The following TP63 variants were observed in gnomAD, a reference collection of about 807,000 sequenced individuals.
TP63 encodes the protein tumor protein p63, also known as tumor protein 63.
TP63 carries 17 observed loss-of-function variants against 82.8 expected under a neutral mutation model. The ratio of observed to expected loss-of-function variants is 0.21; its 90% CI spans 0.14 to 0.31. The LOEUF is 0.31. Ranked by LOEUF, TP63 falls within the 10% of genes least tolerant of loss-of-function variation. The probability of loss-of-function intolerance (pLI) is 1.00; values close to 1 mark genes in which losing one functional copy is unlikely to be tolerated. For synonymous variants in TP63, 330 were observed against 321.7 expected, an observed-to-expected ratio of 1.03 and a Z score of -0.28; for missense variants, 648 against 895.3, an observed-to-expected ratio of 0.72 and a Z score of 3.52.
intron 11 of TP63, among the ~76,000 whole-genome samples, chr3:189,887,202 C>T (rs1210102112): frequency 2.2e-5 from 3 of 139,476 alleles, no homozygotes; most frequent in Non-Finnish European, 3.1e-5. Context: ...GAGTGAGACT[C>T]AGTCTCAAAA....
At chr3:189,625,258 T>C in the TP63 span, among the ~76,000 whole-genome samples, 1 of 152,164 alleles carries the variant, frequency 6.6e-6, no homozygotes, top group Admixed American at 6.6e-5. Context: ...AACCTGTTGG[T>C]AGGCGTTAAA....
At chr3:189,823,943 G>A (rs1011745166) in intron 4 of TP63, among the ~76,000 whole-genome samples, 1 of 152,140 alleles carries the variant, frequency 6.6e-6, no homozygotes, top group Non-Finnish European at 1.5e-5. Context: ...TGCTGGTTCA[G>A]TGAGATAACT....
intron 1 of TP63, among the ~76,000 whole-genome samples, chr3:189,713,685 A>G (rs1468887880): frequency 6.6e-6 from 1 of 152,166 alleles, no homozygotes; most frequent in Admixed American, 6.6e-5. Context: ...TTCAAGTCTA[A>G]TCCAACTTTT....
chr3:189,840,717 G>A (rs1041826052), intron 4 of TP63, among the ~76,000 whole-genome samples: 4 of 151,766 alleles, frequency 2.6e-5, no homozygotes, highest in East Asian at 1.9e-4. Context: ...AATTAGCCGG[G>A]TGTAGTGGCA....
At chr3:189,775,840 T>C (rs1275471427) in intron 3 of TP63, among the ~76,000 whole-genome samples, 1 of 152,204 alleles carries the variant, frequency 6.6e-6, no homozygotes, top group Non-Finnish European at 1.5e-5. Context: ...AATGGGATGA[T>C]TGAGATAAAG....
intron 10 of TP63, among the ~76,000 whole-genome samples, chr3:189,877,614 A>G (rs1282168741): frequency 6.6e-6 from 1 of 152,132 alleles, no homozygotes; most frequent in African/African-American, 2.4e-5. Flanking sequence ...CTTCTCTTTT[A>G]TGATTACTTG....
At chr3:189,639,466 A>G (rs1326230640) in intron 1 of TP63, among the ~76,000 whole-genome samples, 3 of 152,104 alleles carry the variant, frequency 2.0e-5, no homozygotes, top group Non-Finnish European at 4.4e-5. Flanking sequence ...TGACTATCTT[A>G]TGGTGAATTA....
At chr3:189,696,964 T>G (rs1717425070) in intron 1 of TP63, among the ~76,000 whole-genome samples, 1 of 152,096 alleles carries the variant, frequency 6.6e-6, no homozygotes, top group Non-Finnish European at 1.5e-5. Flanking sequence ...TGCAAATACT[T>G]TTCCCCAGCC....
intron 1 of TP63, among the ~76,000 whole-genome samples, chr3:189,730,090 C>G (rs1720052883): frequency 6.6e-6 from 1 of 152,088 alleles, no homozygotes; most frequent in South Asian, 2.1e-4. Context: ...AAGGCTTAAG[C>G]AATAATTGGA....
chr3:189,764,899 G>T (rs1325839928), intron 3 of TP63, among the ~76,000 whole-genome samples: 2 of 152,162 alleles, frequency 1.3e-5, no homozygotes, highest in Non-Finnish European at 2.9e-5. Flanking sequence ...AGCGCACTTT[G>T]TTCTAGTAAA....
intron 4 of TP63, among the ~76,000 whole-genome samples, chr3:189,857,104 G>T (rs927453709): frequency 1.3e-5 from 2 of 152,082 alleles, no homozygotes; most frequent in Non-Finnish European, 2.9e-5. Flanking sequence ...GCAAGAATCA[G>T]ACTACCTGAT....
intron 1 of TP63, among the ~76,000 whole-genome samples, chr3:189,722,055 G>T (rs1421342559): frequency 7.2e-5 from 11 of 152,178 alleles, no homozygotes; most frequent in African/African-American, 2.7e-4. Context: ...GATGAATTAG[G>T]TCAGAAGAAT....
chr3:189,727,584 CT>C (rs1349779637), intron 1 of TP63, among the ~76,000 whole-genome samples: 1 of 152,130 alleles, frequency 6.6e-6, no homozygotes, highest in East Asian at 1.9e-4. Flanking sequence ...TCCATATTTT[CT>C]TTTCTTTTTT....
At chr3:189,707,084 T>C (rs1481966285) in intron 1 of TP63, among the ~76,000 whole-genome samples, 1 of 152,266 alleles carries the variant, frequency 6.6e-6, no homozygotes, top group Non-Finnish European at 1.5e-5. Flanking sequence ...ACACAGGTTG[T>C]ATCTTAGAAC....
At chr3:189,761,473 A>T (rs1409996499) in intron 3 of TP63, among the ~76,000 whole-genome samples, 1 of 152,202 alleles carries the variant, frequency 6.6e-6, no homozygotes, top group African/African-American at 2.4e-5. Context: ...CTTTGCTCCA[A>T]TTCCCAACAA....
At chr3:189,654,253 A>G (rs1338996929) in intron 1 of TP63, among the ~76,000 whole-genome samples, 1 of 152,174 alleles carries the variant, frequency 6.6e-6, no homozygotes, top group Non-Finnish European at 1.5e-5. Flanking sequence ...GTAAAAAAAA[A>G]AAAGAAAAAT....
chr3:189,797,497 ATATGCCC>A (rs1725835623), intron 3 of TP63, among the ~76,000 whole-genome samples: 1 of 152,084 alleles, frequency 6.6e-6, no homozygotes, highest in Non-Finnish European at 1.5e-5. Context: ...ACAATGGGGA[ATATGCCC>A]TGTTTACTCA....
At chr3:189,754,581 C>T (rs899467553) in intron 3 of TP63, among the ~76,000 whole-genome samples, 1 of 151,900 alleles carries the variant, frequency 6.6e-6, no homozygotes, top group Non-Finnish European at 1.5e-5. Flanking sequence ...TCCTCCTTGC[C>T]GTGTGCCTTT....
chr3:189,840,030 G>A (rs550529868), intron 4 of TP63, among the ~76,000 whole-genome samples: 146 of 152,296 alleles, frequency 9.6e-4, no homozygotes, highest in Non-Finnish European at 1.7e-3. Flanking sequence ...AGCTTACTGC[G>A]ATGATCATAT....
Sources: allele counts gnomAD v4.1 joint callset (sites outside exome capture counted in the v4.1 genomes callset), GRCh38; gene constraint gnomAD v4.1.1; transcripts MANE v1.5; gene names NCBI Gene and HGNC (gene_info 2026-07-23, HGNC 2026-07-21).